The following RBFOX1 variants were observed in gnomAD, a reference collection of about 807,000 sequenced individuals.
RBFOX1 encodes RNA binding protein fox-1 homolog 1.
Under a neutral mutation model 57.7 loss-of-function variants are expected in RBFOX1, and 8 were observed. That is an observed-to-expected ratio of 0.14 (90% CI 0.08 to 0.25). The LOEUF is 0.25. Among genes scored for constraint, RBFOX1 ranks in the 10% least tolerant of loss-of-function variants. RBFOX1 has a pLI of 1.00. For synonymous variants in RBFOX1, 326 were observed against 222.4 expected (o/e 1.47, Z -4.15); for missense variants, 611 against 548.5 (o/e 1.11, Z -1.14).
intron 2 of RBFOX1, among the ~76,000 whole-genome samples, chr16:6,374,000 T>G (rs1215117868): frequency 1.3e-5 from 2 of 152,224 alleles, no homozygotes; most frequent in South Asian, 2.1e-4. Flanking sequence ...TTCTCCATAG[T>G]GCTCAGCTTG....
intron 2 of RBFOX1, among the ~76,000 whole-genome samples, chr16:6,576,125 C>G (rs1198712946): frequency 6.6e-6 from 1 of 152,142 alleles, no homozygotes; most frequent in Non-Finnish European, 1.5e-5. Context: ...TGATTAGCAT[C>G]TACTTTATCA....
intron 2 of RBFOX1, among the ~76,000 whole-genome samples, chr16:5,560,942 G>A (rs901087384): frequency 1.3e-5 from 2 of 152,204 alleles, no homozygotes; most frequent in African/African-American, 4.8e-5. Flanking sequence ...CAGGTAACAG[G>A]AGATTTCATT....
chr16:7,330,750 CTT>C (rs2096679076), intron 4 of RBFOX1, among the ~76,000 whole-genome samples: 1 of 147,660 alleles, frequency 6.8e-6, no homozygotes, highest in African/African-American at 2.7e-5. Flanking sequence ...GTCCAGTGGT[CTT>C]TCTATTTTAC....
At chr16:6,076,351 C>G (rs1044467500) in intron 1 of RBFOX1, among the ~76,000 whole-genome samples, 1 of 151,700 alleles carries the variant, frequency 6.6e-6, no homozygotes, top group Non-Finnish European at 1.5e-5. Context: ...CACACATACA[C>G]ACACACACAC....
chr16:6,770,217 T>G (rs975240161), intron 3 of RBFOX1, among the ~76,000 whole-genome samples: 6 of 152,226 alleles, frequency 3.9e-5, no homozygotes, highest in African/African-American at 1.4e-4. Flanking sequence ...ACTACAGAAT[T>G]TTTTGGGTTA....
chr16:6,849,257 G>A (rs777217584), intron 3 of RBFOX1, among the ~76,000 whole-genome samples: 21 of 152,276 alleles, frequency 1.4e-4, no homozygotes, highest in South Asian at 8.3e-4. Context: ...AAGTCTTTCC[G>A]TGGCACCTAA....
At position 6,032,098 on chromosome 16, in the gene RBFOX1, TC is replaced by T. The variant is rs1400131547; in HGVS notation, c.-127+12107del. ...ATTAGCACCACAGAGACCCTTAGCC[TC>T]TTTCTTAAAGGTTCTGTTTTTAGAC... On this transcript the variant is annotated intron_variant, in intron 1 of 15. Coordinates refer to ENST00000550418, the MANE Select transcript of RBFOX1 (RefSeq NM_018723.4). Among the ~76,000 whole-genome samples, 7 of 152,130 alleles carry T rather than the reference TC, an allele frequency of 4.6e-5. No homozygotes were observed. In the South Asian group the frequency reaches 1.5e-3, roughly 32 times the overall value.
chr16:6,595,090 C>T (rs537578695), intron 2 of RBFOX1, among the ~76,000 whole-genome samples: 1 of 152,084 alleles, frequency 6.6e-6, no homozygotes. Flanking sequence ...CCTGGCCTTC[C>T]GTGGTTTTTA....
chr16:6,013,909 C>T lies in RBFOX1; in HGVS notation c.351+146574C>T, dbSNP rs1596404995. ...TTTTCACTCACAGGTGGGAATTGAA[C>T]AATGAGAACACTTGGACACAGCAAG... On this transcript the variant is annotated intron_variant, in intron 4 of 19. Transcript: ENST00000641259. 3.6e-5 allele frequency among the ~76,000 whole-genome samples: 5 copies of T among 138,472 alleles called. No individual in the cohort carries two copies. The South Asian group carries it at 1.1e-3, about 31-fold the overall frequency. The allele number at this position is 138,472 out of a possible 152,430, so 90.8% of individuals were successfully genotyped here. A position where few individuals can be genotyped will look rare whatever the true frequency, so the allele number is the denominator to read the frequency against.
rs181196924 is a variant in RBFOX1 at position 7,175,523 on chromosome 16, G to A, written c.27+123425G>A. 1.2e-4 allele frequency among the ~76,000 whole-genome samples: 19 copies of A among 152,244 alleles called. No individual in the cohort carries two copies. The East Asian group carries it at 2.7e-3, about 22-fold the overall frequency. On this transcript the variant is annotated intron_variant, in intron 4 of 15. Coordinates refer to ENST00000550418, the MANE Select transcript of RBFOX1 (RefSeq NM_018723.4). ...CCTGGTCATACTCATTGAGCCTATG[G>A]GCTGGTTGTGTGAACATGCCACAGG...
intron 3 of RBFOX1, among the ~76,000 whole-genome samples, chr16:6,764,869 G>T (rs2077109039): frequency 6.6e-6 from 1 of 152,106 alleles, no homozygotes; most frequent in African/African-American, 2.4e-5. Flanking sequence ...CCCAGAAGGT[G>T]AAGGTTGCAG....
intron 3 of RBFOX1, among the ~76,000 whole-genome samples, chr16:7,028,469 C>T (rs2041635177): frequency 6.6e-6 from 1 of 151,644 alleles, no homozygotes; most frequent in South Asian, 2.1e-4. Context: ...TGCCTGTAAT[C>T]CCAGCTCCTT....
At chr16:6,277,286 C>A (rs1485036686) in intron 1 of RBFOX1, among the ~76,000 whole-genome samples, 2 of 151,300 alleles carry the variant, frequency 1.3e-5, no homozygotes, top group Non-Finnish European at 2.9e-5. Context: ...CATGGTGAAA[C>A]CCCATCTCTA....
intron 3 of RBFOX1, among the ~76,000 whole-genome samples, chr16:6,800,176 C>T (rs79716412): frequency 0.019 from 2,780 of 148,976 alleles, 89 homozygotes; most frequent in African/African-American, 0.069. Context: ...CAGTTTTGAT[C>T]AACAGGGTAT....
intron 3 of RBFOX1, among the ~76,000 whole-genome samples, chr16:6,859,657 A>T (rs994955447): frequency 6.6e-6 from 1 of 152,154 alleles, no homozygotes; most frequent in African/African-American, 2.4e-5. Flanking sequence ...TTTGTGAGAT[A>T]CTCAATAATG....
intron 1 of RBFOX1, among the ~76,000 whole-genome samples, chr16:5,423,604 C>T (rs1275201443): frequency 6.6e-6 from 1 of 152,146 alleles, no homozygotes; most frequent in Non-Finnish European, 1.5e-5. Flanking sequence ...GCCATTGCTG[C>T]CTGTCTGTGA....
intron 1 of RBFOX1, among the ~76,000 whole-genome samples, chr16:6,094,290 A>T (rs2152539116): frequency 6.6e-6 from 1 of 152,246 alleles, no homozygotes; most frequent in Middle Eastern, 3.4e-3. Context: ...AGGAAGAGAG[A>T]CCATTGGGGA....
chr16:6,831,475 A>C (rs963229430), intron 3 of RBFOX1, among the ~76,000 whole-genome samples: 1 of 152,216 alleles, frequency 6.6e-6, no homozygotes, highest in Admixed American at 6.5e-5. Context: ...CCAAATGCCC[A>C]TTATATATCA....
chr16:5,690,619 C>A (rs1168331118), intron 3 of RBFOX1, among the ~76,000 whole-genome samples: 1 of 152,124 alleles, frequency 6.6e-6, no homozygotes, highest in East Asian at 1.9e-4. Context: ...AGGGCAAGGA[C>A]TCGATTTTAC....
Sources: gnomAD v4.1 joint callset for allele counts (sites outside exome capture counted in the v4.1 genomes callset) on GRCh38, gnomAD v4.1.1 for gene constraint, MANE v1.5 for transcripts, NCBI Gene and HGNC (gene_info 2026-07-23, HGNC 2026-07-21) for gene names.